The following LGSN variants were observed in gnomAD, a reference collection of about 807,000 sequenced individuals.
The protein encoded by LGSN is lengsin, lens protein with glutamine synthetase domain, also known as lengsin.
Under a neutral mutation model 19.5 loss-of-function variants are expected in LGSN, and 21 were observed. The observed-to-expected ratio is 1.07, with a 90% CI of 0.76 to 1.55. The LOEUF is 1.55. Ranked by LOEUF, LGSN falls within the 40% of genes most tolerant of loss-of-function variation. The pLI is 0.00. For missense variants in LGSN, 673 were observed against 608.5 expected, an observed-to-expected ratio of 1.11 and a Z score of -1.12; for synonymous variants, 257 against 215.6, an observed-to-expected ratio of 1.19 and a Z score of -1.68.
chr6:63,467,786 G>A, the LGSN span, among the ~76,000 whole-genome samples: 1 of 152,098 alleles, frequency 6.6e-6, no homozygotes, highest in Non-Finnish European at 1.5e-5. Context: ...CAGCCTCCCG[G>A]GTTCAAGTGA....
At chr6:63,531,387 AT>A in the LGSN span, among the ~76,000 whole-genome samples, 3 of 115,626 alleles carry the variant, frequency 2.6e-5, no homozygotes, top group African/African-American at 4.5e-5. Flanking sequence ...AAAAATGAAC[AT>A]TTATTTGGAA....
the LGSN span, chr6:63,549,415 A>G: frequency 5.3e-6 from 4 of 751,600 alleles, no homozygotes; most frequent in Non-Finnish European, 9.7e-6. Flanking sequence ...CCGTTTCTCA[A>G]ACAGGGGATT....
At chr6:63,528,741 G>C in the LGSN span, among the ~76,000 whole-genome samples, 81,303 of 151,228 alleles carry the variant, frequency 0.54, 23,617 homozygotes, top group African/African-American at 0.77. Context: ...CCAGCCTGGG[G>C]GACAGAGTGA....
chr6:63,296,033 A>C (rs990498173), intron 1 of LGSN, among the ~76,000 whole-genome samples: 1 of 152,138 alleles, frequency 6.6e-6, no homozygotes, highest in Non-Finnish European at 1.5e-5. Context: ...AGTTATATGA[A>C]TATATGTTGA....
At chr6:63,433,617 A>G in the LGSN span, among the ~76,000 whole-genome samples, 3 of 152,190 alleles carry the variant, frequency 2.0e-5, no homozygotes, top group African/African-American at 7.2e-5. Context: ...TACTTTTGCC[A>G]ATTGAAATAA....
chr6:63,339,275 G>A, the LGSN span, among the ~76,000 whole-genome samples: 1 of 152,136 alleles, frequency 6.6e-6, no homozygotes, highest in Non-Finnish European at 1.5e-5. Context: ...ATGGGATATT[G>A]AAGTTCCTAA....
At chr6:63,407,280 A>T in the LGSN span, among the ~76,000 whole-genome samples, 1 of 152,076 alleles carries the variant, frequency 6.6e-6, no homozygotes, top group African/African-American at 2.4e-5. Flanking sequence ...AAAATCCTCA[A>T]TAAAATACTG....
chr6:63,505,581 GAAAGAAAGAAAGAA>G, the LGSN span, among the ~76,000 whole-genome samples: 1 of 79,736 alleles, frequency 1.3e-5, no homozygotes, highest in Non-Finnish European at 2.8e-5. Flanking sequence ...AAGAAAGAAA[GAAAGAAAGAAAGAA>G]AGAAAGAAAG....
At chr6:63,495,469 T>TGTTTTTTTTTG in the LGSN span, among the ~76,000 whole-genome samples, 2 of 119,306 alleles carry the variant, frequency 1.7e-5, no homozygotes, top group Admixed American at 1.0e-4. Context: ...TTTTTTTTTT[T>TGTTTTTTTTTG]TTTTTTTGAG....
At chr6:63,554,291 A>G in the LGSN span, among the ~76,000 whole-genome samples, 25 of 152,352 alleles carry the variant, frequency 1.6e-4, no homozygotes, top group East Asian at 7.7e-4. Context: ...AAAGTATATG[A>G]AAAGCATTCT....
At chr6:63,543,366 A>T in the LGSN span, among the ~76,000 whole-genome samples, 1 of 152,100 alleles carries the variant, frequency 6.6e-6, no homozygotes, top group Admixed American at 6.6e-5. Flanking sequence ...CCTTCTTGGC[A>T]CCTTTCAAAA....
the LGSN span, among the ~76,000 whole-genome samples, chr6:63,334,127 T>A: frequency 6.6e-6 from 1 of 152,102 alleles, no homozygotes; most frequent in Non-Finnish European, 1.5e-5. Flanking sequence ...AGCCAGAGCA[T>A]CAGTCAAAAG....
the LGSN span, among the ~76,000 whole-genome samples, chr6:63,532,683 T>C: frequency 1.3e-5 from 2 of 151,984 alleles, no homozygotes; most frequent in Non-Finnish European, 2.9e-5. Flanking sequence ...AGTTGGAGAG[T>C]GAAACAAAAA....
chr6:63,408,248 C>T, the LGSN span, among the ~76,000 whole-genome samples: 1 of 151,736 alleles, frequency 6.6e-6, no homozygotes, highest in Non-Finnish European at 1.5e-5. Flanking sequence ...AAGAACAAAG[C>T]TGGAGGCATA....
chr6:63,507,064 G>A, the LGSN span, among the ~76,000 whole-genome samples: 24 of 152,160 alleles, frequency 1.6e-4, no homozygotes, highest in Non-Finnish European at 8.8e-5. Flanking sequence ...GGGTCCCCAT[G>A]TATCTATACA....
chr6:63,450,095 C>T, the LGSN span, among the ~76,000 whole-genome samples: 56 of 151,416 alleles, frequency 3.7e-4, no homozygotes, highest in East Asian at 0.01. Context: ...GCCTGTAACC[C>T]CAGCACTTTG....
the LGSN span, among the ~76,000 whole-genome samples, chr6:63,570,366 C>T: frequency 6.6e-6 from 1 of 152,192 alleles, no homozygotes. Context: ...TCGTTTCTCT[C>T]AACAGCAAAA....
the LGSN span, among the ~76,000 whole-genome samples, chr6:63,358,341 T>A: frequency 3.3e-5 from 5 of 152,228 alleles, no homozygotes; most frequent in Admixed American, 6.5e-5. Flanking sequence ...CATATGAACT[T>A]TAAAGTAGTT....
the LGSN span, among the ~76,000 whole-genome samples, chr6:63,390,239 T>C: frequency 1.1e-4 from 17 of 150,752 alleles, no homozygotes; most frequent in African/African-American, 3.7e-4. Context: ...AAGCGATTCT[T>C]GTGCCTCAGC....
Sources: gnomAD v4.1 joint callset for allele counts (sites outside exome capture counted in the v4.1 genomes callset) on GRCh38, gnomAD v4.1.1 for gene constraint, MANE v1.5 for transcripts, NCBI Gene and HGNC (gene_info 2026-07-23, HGNC 2026-07-21) for gene names.